The following ATP23 variants were observed in gnomAD, a reference collection of about 807,000 sequenced individuals.
The protein encoded by ATP23 is mitochondrial inner membrane protease ATP23 homolog.
A neutral mutation model predicts 28.5 loss-of-function variants in ATP23; 24 were observed. The ratio of observed to expected loss-of-function variants is 0.84; its 90% confidence interval spans 0.61 to 1.18. The LOEUF (loss-of-function observed/expected upper bound fraction) is 1.18, where lower values mean the gene tolerates loss of function less well. ATP23 is among the 50% of genes most tolerant of loss of function. The probability of loss-of-function intolerance (pLI) is 0.00; values close to 1 mark genes in which losing one functional copy is unlikely to be tolerated. For synonymous variants in ATP23, 99 were observed against 108.6 expected (o/e 0.91, Z 0.55); for missense variants, 274 against 306.4 (o/e 0.89, Z 0.79).
intron 5 of ATP23, 68 bp from the exon 6 acceptor site, chr12:57,956,619 T>G: frequency 8.6e-7 from 1 of 1,168,830 alleles, no homozygotes; most frequent in Non-Finnish European, 1.2e-6. Flanking sequence ...AGACATTAGA[T>G]AAAATGTATT....
At chr12:57,943,941 G>T (rs1956733589) in intron 1 of ATP23, among the ~76,000 whole-genome samples, 2 of 151,768 alleles carry the variant, frequency 1.3e-5, no homozygotes, top group South Asian at 4.2e-4. Flanking sequence ...GCTATCCCTG[G>T]GTGGGGCGTG....
At chr12:57,946,157 C>A (rs1451259329) in intron 2 of ATP23, among the ~76,000 whole-genome samples, 3 of 152,122 alleles carry the variant, frequency 2.0e-5, no homozygotes, top group African/African-American at 4.8e-5. Flanking sequence ...TGAGCCACTG[C>A]GCCAGCCCAG....
In ATP23 at chr12:57,952,014, G is replaced by C. The variant is rs1379236339; in HGVS notation, c.453+119G>C. 8 of 1,282,048 alleles carry C rather than the reference G, an allele frequency of 6.2e-6. No homozygotes were observed. The East Asian group carries it at 1.9e-4, about 30-fold the overall frequency. 79.4% of individuals were successfully genotyped at this position (1,282,048 alleles called of 1,614,324 possible). A position where few individuals can be genotyped will look rare whatever the true frequency, so the allele number is the denominator to read the frequency against. On this transcript the variant is annotated intron_variant, in intron 4 of 5. Coordinates refer to ENST00000300145, the MANE Select transcript of ATP23 (RefSeq NM_033276.4). ...TAGTTCTACCTTAGTCTTGAATTTCGGTTTATAACTAACATTGAATACCAT... is the reference window on the plus strand; with the variant it reads ...TAGTTCTACCTTAGTCTTGAATTTCCGTTTATAACTAACATTGAATACCAT...
Position 57,944,271 on chromosome 12 carries a change from C to T in ATP23, c.188-1357C>T, listed in dbSNP as rs553575070. On this transcript the variant is annotated intron_variant, in intron 1 of 5. Coordinates refer to ENST00000300145, the MANE Select transcript of ATP23 (RefSeq NM_033276.4). ...AGCAGTAACCTATACCTGACTTTCT[C>T]ATCTCACATTTCTTTTTCTCACCTA... Among the ~76,000 whole-genome samples the T allele has an allele frequency of 7.9e-5, 12 of 152,228 alleles. No homozygotes were observed. In the East Asian group the frequency reaches 2.1e-3, roughly 27 times the overall value.
rs17120056 is a variant in ATP23 at position 57,955,474 on chromosome 12, C to T, written c.538-1213C>T. On this transcript the variant is annotated intron_variant, in intron 5 of 5. Coordinates refer to ENST00000300145, the MANE Select transcript of ATP23 (RefSeq NM_033276.4). ...GAGAAGAGTCTTAGAGAATGGAGTCCCTGCTTTTGTACAGCATGTACCCAG... is the reference window on the plus strand; with the variant it reads ...GAGAAGAGTCTTAGAGAATGGAGTCTCTGCTTTTGTACAGCATGTACCCAG... Among the ~76,000 whole-genome samples, 846 of 152,010 alleles carry T rather than the reference C, an allele frequency of 5.6e-3. 27 individuals carry two copies. In the East Asian group the frequency reaches 0.071, roughly 13 times the overall value.
At chr12:57,943,796 A>G (rs554021063) in intron 1 of ATP23, among the ~76,000 whole-genome samples, 1 of 152,232 alleles carries the variant, frequency 6.6e-6, no homozygotes, top group Non-Finnish European at 1.5e-5. Flanking sequence ...GAAGAGTGGA[A>G]ATAGATAGGA....
At chr12:57,950,721 G>T (rs1265061347) in intron 3 of ATP23, among the ~76,000 whole-genome samples, 1 of 151,694 alleles carries the variant, frequency 6.6e-6, no homozygotes, top group African/African-American at 2.4e-5. Flanking sequence ...TAGAGATGGG[G>T]TTTTGCTCTG....
chr12:57,945,432 A>G lies in ATP23; in HGVS notation c.188-196A>G, dbSNP rs543279746. On this transcript the variant is annotated intron_variant, in intron 1 of 5. Transcript: ENST00000300145. ...ATTTTTAGTAGAGACGGGGTTTGCC[A>G]TGTTGGTCAGGCTGGGCTTGAACTC... Among the ~76,000 whole-genome samples the G allele has an allele frequency of 4.0e-5, 6 of 151,878 alleles. No individual in the cohort carries two copies. In the South Asian group the frequency reaches 1.0e-3, roughly 26 times the overall value.
intron 5 of ATP23, 89 bp from the exon 6 acceptor site, chr12:57,956,598 T>A: frequency 1.0e-6 from 1 of 986,098 alleles, no homozygotes; most frequent in Non-Finnish European, 1.4e-6. Flanking sequence ...GAAATTAATT[T>A]TAATTAATTC....
In ATP23 at chr12:57,951,792, C is replaced by T; in HGVS notation, c.350C>T (p.Ala117Val). 1.2e-6 allele frequency: 2 copies of T among 1,614,070 alleles called. No individual in the cohort carries two copies. Among genetic ancestry groups the T allele is most frequent in the East Asian group, 2.2e-5 (1 of 44,880 alleles). The stretch of plus-strand genomic sequence containing the variant: ...TGCCAGAATAATATCCATAATCAGG[C>T]CCATATGAACAGAGTGGTCACACAC... ...VLCQNNIHNQAHMNRVVTHEL... is the reference protein window; with the variant it reads ...VLCQNNIHNQVHMNRVVTHEL... Residue 117 changes from alanine (A) to valine (V), a missense_variant, in exon 4 of 6, where the codon GCC becomes GTC. Ala to Val is a moderately conservative substitution (Grantham distance 64). Coordinates refer to ENST00000300145, the MANE Select transcript of ATP23 (RefSeq NM_033276.4).
chr12:57,941,588 T>C lies in ATP23; in HGVS notation c.-114T>C, dbSNP rs963836422. 7.2e-7 allele frequency: 1 copy of C among 1,396,036 alleles called. No individual in the cohort carries two copies. The allele number at this position is 1,396,036 out of a possible 1,614,324, so 86.5% of individuals were successfully genotyped here. On this transcript the variant is annotated 5_prime_UTR_variant, in exon 1 of 6. Coordinates refer to ENST00000300145, the MANE Select transcript of ATP23 (RefSeq NM_033276.4). Reference sequence around the variant, plus strand: ...CTTCAGCCCAGCCAGGCTGCCCTTCTTCCCTGCGGAGGGAGGGCCTGGGCG... The same window carrying C: ...CTTCAGCCCAGCCAGGCTGCCCTTCCTCCCTGCGGAGGGAGGGCCTGGGCG...
At chr12:57,945,272 G>A (rs976622061) in intron 1 of ATP23, among the ~76,000 whole-genome samples, 3 of 151,876 alleles carry the variant, frequency 2.0e-5, no homozygotes, top group Non-Finnish European at 4.4e-5. Flanking sequence ...TCACTCTATC[G>A]TCCAGGCTGG....
intron 4 of ATP23, among the ~76,000 whole-genome samples, chr12:57,952,208 TA>T (rs745354801): frequency 1.4e-3 from 208 of 152,152 alleles, no homozygotes; most frequent in Admixed American, 2.3e-3. Context: ...AAAATAAAAA[TA>T]AAAAAATAAT....
At chr12:57,943,981 CTTTTTTTTTT>C (rs766959594) in intron 1 of ATP23, among the ~76,000 whole-genome samples, 1 of 95,030 alleles carries the variant, frequency 1.1e-5, no homozygotes, top group African/African-American at 3.8e-5. Context: ...ATGGGAGTCT[CTTTTTTTTTT>C]TTTTTTTTCA....
At position 57,957,807 on chromosome 12, in the gene ATP23, G is replaced by C. The variant is rs79062325; in HGVS notation, c.*917G>C. Reference sequence around the variant, plus strand: ...ATCCATTGCAAGGGCAGCCAGAAGAGCAGCGGGTAAAACTCCACAGGGAGA... The same window carrying C: ...ATCCATTGCAAGGGCAGCCAGAAGACCAGCGGGTAAAACTCCACAGGGAGA... On this transcript the variant is annotated 3_prime_UTR_variant, in exon 6 of 6. Transcript: ENST00000300145. Among the ~76,000 whole-genome samples, 2,720 of 152,298 alleles carry C rather than the reference G, an allele frequency of 0.018. 79 individuals are homozygous for C. Among genetic ancestry groups the C allele is most frequent in the African/African-American group, 0.062 (2,562 of 41,572 alleles).
At chr12:57,956,595 AT>A in intron 5 of ATP23, 91 bp from the exon 6 acceptor site, 2 of 983,126 alleles carry the variant, frequency 2.0e-6, no homozygotes, top group Non-Finnish European at 2.9e-6. Flanking sequence ...GAGGAAATTA[AT>A]TTTAATTAAT....
At chr12:57,948,979 T>C (rs924783110) in intron 3 of ATP23, among the ~76,000 whole-genome samples, 5 of 152,224 alleles carry the variant, frequency 3.3e-5, no homozygotes, top group African/African-American at 1.2e-4. Flanking sequence ...GTGAGATTCT[T>C]TCTTGTTGTT....
intron 4 of ATP23, among the ~76,000 whole-genome samples, chr12:57,952,433 A>G (rs1404443256): frequency 1.3e-5 from 2 of 152,228 alleles, no homozygotes; most frequent in South Asian, 2.1e-4. Context: ...GCTGCCTTCC[A>G]TAGAGCTCCT....
intron 4 of ATP23, 86 bp downstream of exon 4, chr12:57,951,981 TA>T: frequency 6.5e-7 from 1 of 1,532,366 alleles, no homozygotes; most frequent in Non-Finnish European, 8.9e-7. Context: ...TTCCTTTTCT[TA>T]CTGTCATAGT....
Sources: gnomAD v4.1 joint callset for allele counts (sites outside exome capture counted in the v4.1 genomes callset) on GRCh38, gnomAD v4.1.1 for gene constraint, MANE v1.5 for transcripts, NCBI Gene and HGNC (gene_info 2026-07-23, HGNC 2026-07-21) for gene names.